FANCM: variants seen among roughly 807,000 people sequenced by gnomAD.
FANCM encodes FA complementation group M, also known as Fanconi anemia group M protein.
A neutral mutation model predicts 199.5 loss-of-function variants in FANCM; 140 were observed. That is an observed-to-expected ratio of 0.70 (90% CI 0.61 to 0.81). FANCM has a LOEUF of 0.81. FANCM is among the 30% of genes least tolerant of loss of function. The pLI is 0.00. For missense variants in FANCM, 2,410 were observed against 2,421.4 expected (o/e 1.00, Z 0.10); for synonymous variants, 840 against 836.8 (o/e 1.00, Z -0.07).
intron 3 of FANCM, among the ~76,000 whole-genome samples, chr14:45,146,976 G>C (rs748701671): frequency 5.9e-5 from 9 of 151,278 alleles, no homozygotes; most frequent in Non-Finnish European, 1.2e-4. Flanking sequence ...GATTATTTTG[G>C]TCTTTCAGCG....
rs2139235450 is a variant in FANCM at position 45,173,218 on chromosome 14, TTTA to T, written c.2316+11_2316+13del. The T allele has an allele frequency of 1.2e-6, 2 of 1,612,680 alleles. No individual in the cohort carries two copies. The highest frequency in any genetic ancestry group is 1.7e-6 in the Non-Finnish European group (2 of 1,178,746). On this transcript the variant is annotated intron_variant, in intron 13 of 22. Coordinates refer to ENST00000267430, the MANE Select transcript of FANCM (RefSeq NM_020937.4). ...GGAATGAGACACGAAGAGGTGGGGT[TTTA>T]TTGTAACTTTCTCTTGCTGGTATGA...
Position 45,168,980 on chromosome 14 carries a change from G to A in FANCM, c.2003-1609G>A, listed in dbSNP as rs183187592. ...GTTGTCGCCCAGGCTGGAGTGCAGTGGCATGATCTCGGCTCACTGCAACCT... is the reference window on the plus strand; with the variant it reads ...GTTGTCGCCCAGGCTGGAGTGCAGTAGCATGATCTCGGCTCACTGCAACCT... On this transcript the variant is annotated intron_variant, in intron 11 of 22. Transcript: ENST00000267430. Among the ~76,000 whole-genome samples the A allele has an allele frequency of 2.4e-4, 37 of 151,786 alleles. No individual in the cohort carries two copies. The East Asian group carries it at 6.4e-3, about 26-fold the overall frequency.
chr14:45,142,253 A>G (rs1886020645), intron 3 of FANCM, among the ~76,000 whole-genome samples: 1 of 150,336 alleles, frequency 6.7e-6, no homozygotes, highest in African/African-American at 2.5e-5. Flanking sequence ...GTGATCTCAC[A>G]TTGTGTTGTC....
Position 45,176,168 on chromosome 14 carries a change from A to G in FANCM, c.3414A>G (p.Glu1138=). 1 of 1,614,092 alleles carries G rather than the reference A, an allele frequency of 6.2e-7. No individual in the cohort carries two copies. Among genetic ancestry groups the G allele is most frequent in the South Asian group, 1.1e-5 (1 of 91,078 alleles). The change falls in exon 14 of 23, where the codon GAA becomes GAG. Residue 1138 remains glutamate (E), a synonymous_variant. Transcript: ENST00000267430. ...AAGATGAAAGTTTGCTGTTATTTGA[A>G]GATGTTAATACAGAGTTCGACGATG... is the stretch of plus-strand genomic sequence containing the variant. ...TDQDESLLLF[E]DVNTEFDDVS... is the part of the protein sequence containing the mutation.
intron 3 of FANCM, among the ~76,000 whole-genome samples, chr14:45,145,749 C>T (rs976322895): frequency 1.3e-5 from 2 of 152,108 alleles, no homozygotes; most frequent in Middle Eastern, 3.4e-3. Flanking sequence ...ACAGTGAAAC[C>T]CCGTCTCTAC....
intron 12 of FANCM, among the ~76,000 whole-genome samples, chr14:45,171,973 C>T (rs1356902005): frequency 6.6e-6 from 1 of 152,122 alleles, no homozygotes; most frequent in African/African-American, 2.4e-5. Flanking sequence ...TACACTCCCA[C>T]CAGCAGTGTA....
intron 20 of FANCM, among the ~76,000 whole-genome samples, chr14:45,194,581 C>A (rs1889956288): frequency 6.6e-6 from 1 of 152,064 alleles, no homozygotes; most frequent in African/African-American, 2.4e-5. Context: ...TTCCTCATTA[C>A]TTTGTGCAGC....
rs777799598 is a variant in FANCM, at chr14:45,170,586, T to C, written c.2003-3T>C. On this transcript the variant is annotated splice_region_variant and splice_polypyrimidine_tract_variant and intron_variant, in intron 11 of 22. Coordinates refer to ENST00000267430, the MANE Select transcript of FANCM (RefSeq NM_020937.4). ...TCTTTTCCATTATTTTTTCAACTTA[T>C]AGGAATGAGGCAAAGTAGCCTAAAG... is the stretch of plus-strand genomic sequence containing the variant. 67 of 1,589,482 alleles carry C rather than the reference T, an allele frequency of 4.2e-5. No homozygotes were observed. Among genetic ancestry groups the C allele is most frequent in the Admixed American group, 3.9e-4 (23 of 59,644 alleles).
intron 5 of FANCM, among the ~76,000 whole-genome samples, chr14:45,151,912 T>TAAA (rs767251183): frequency 2.5e-5 from 3 of 118,418 alleles, no homozygotes; most frequent in African/African-American, 9.2e-5. Flanking sequence ...AGACCTGTCT[T>TAAA]AAAAAAAAAA....
chr14:45,189,207 A>G lies in FANCM; in HGVS notation c.5185A>G (p.Lys1729Glu), dbSNP rs779717644. The G allele has an allele frequency of 2.5e-6, 4 of 1,614,052 alleles. No homozygotes were observed. The highest frequency in any genetic ancestry group is 3.4e-6 in the Non-Finnish European group (4 of 1,180,036). The part of the protein sequence containing the change: ...RSTPRVNPLA[K>E]QSKQTSLNLK... ...TACTCCAAGAGTTAATCCATTAGCAAAGCAGAGCAAACAGACATCGCTGAA... is the reference window on the plus strand; with the variant it reads ...TACTCCAAGAGTTAATCCATTAGCAGAGCAGAGCAAACAGACATCGCTGAA... The change falls in exon 20 of 23, where the codon AAG (lysine) becomes GAG (glutamate). Residue 1729 changes from lysine to glutamate, a missense_variant. Lys to Glu is a moderately conservative substitution (Grantham distance 56). Coordinates refer to ENST00000267430, the MANE Select transcript of FANCM (RefSeq NM_020937.4).
chr14:45,179,561 C>CTTTTTT (rs36031280), intron 14 of FANCM, among the ~76,000 whole-genome samples: 4 of 95,506 alleles, frequency 4.2e-5, no homozygotes, highest in Admixed American at 1.2e-4. Flanking sequence ...TTCTTTCTTT[C>CTTTTTT]TTTTTTTTTT....
chr14:45,197,080 C>T (rs1890099558), intron 21 of FANCM, among the ~76,000 whole-genome samples: 1 of 152,028 alleles, frequency 6.6e-6, no homozygotes, highest in Non-Finnish European at 1.5e-5. Context: ...TTTGGAAGTG[C>T]AGGATTGGAG....
At chr14:45,142,377 G>A (rs1372613188) in intron 3 of FANCM, among the ~76,000 whole-genome samples, 3 of 151,242 alleles carry the variant, frequency 2.0e-5, no homozygotes, top group Non-Finnish European at 2.9e-5. Flanking sequence ...CATGATCTCG[G>A]CTCACTGCAA....
At chr14:45,146,054 G>A (rs182031139) in intron 3 of FANCM, among the ~76,000 whole-genome samples, 3,365 of 133,366 alleles carry the variant, frequency 0.025, 115 homozygotes, top group Admixed American at 0.11. Context: ...GCGAGACTCC[G>A]TCTCAAAAAA....
chr14:45,159,063 A>T, intron 8 of FANCM, 33 bp from the exon 9 acceptor site: 1 of 1,323,400 alleles, frequency 7.6e-7, no homozygotes, highest in Non-Finnish European at 1.0e-6. Flanking sequence ...CTTTGTAAAA[A>T]GTTGTAATTA....
intron 20 of FANCM, chr14:45,195,619 C>T (rs1566789643): frequency 2.2e-6 from 1 of 452,152 alleles, no homozygotes; most frequent in Non-Finnish European, 4.5e-6. Flanking sequence ...CCAAAATTCT[C>T]ACTTCCATGT....
intron 12 of FANCM, among the ~76,000 whole-genome samples, chr14:45,171,265 T>C (rs912752204): frequency 2.0e-5 from 3 of 151,882 alleles, no homozygotes; most frequent in African/African-American, 7.3e-5. Flanking sequence ...CACCACTGCA[T>C]CTAGCTTTTT....
intron 11 of FANCM, among the ~76,000 whole-genome samples, chr14:45,169,199 G>A (rs1352404759): frequency 6.6e-6 from 1 of 152,030 alleles, no homozygotes; most frequent in African/African-American, 2.4e-5. Flanking sequence ...TGGGATTACA[G>A]GCATGAGCCA....
intron 20 of FANCM, among the ~76,000 whole-genome samples, chr14:45,191,055 C>A (rs939719323): frequency 7.2e-5 from 11 of 152,012 alleles, no homozygotes; most frequent in Non-Finnish European, 1.6e-4. Flanking sequence ...TTGTATAATT[C>A]CTTATAAATG....
Sources: allele counts gnomAD v4.1 joint callset (sites outside exome capture counted in the v4.1 genomes callset), GRCh38; gene constraint gnomAD v4.1.1; transcripts MANE v1.5; gene names NCBI Gene and HGNC (gene_info 2026-07-23, HGNC 2026-07-21).